KLHL1: variants seen among roughly 807,000 people sequenced by gnomAD.
KLHL1 encodes the protein kelch-like protein 1.
In KLHL1, 47 loss-of-function variants were observed where a neutral mutation model predicts 77.7. The observed-to-expected ratio is 0.60, with a 90% CI of 0.48 to 0.77. The LOEUF (loss-of-function observed/expected upper bound fraction) is 0.77, where lower values mean the gene tolerates loss of function less well. KLHL1 is among the 30% of genes least tolerant of loss of function. KLHL1 has a pLI of 0.00. For synonymous variants in KLHL1, 360 were observed against 325.2 expected (o/e 1.11, Z -1.15); for missense variants, 925 against 910.8 (o/e 1.02, Z -0.20).
Position 69,722,827 on chromosome 13 carries a change from C to A in KLHL1, c.1803-3246G>T, listed in dbSNP as rs936946891. ...GCAATCTCACTACTTGGTGTATATTCAAAGGAAATGAAACCAGTATATAAG... is the reference window on the plus strand; with the variant it reads ...GCAATCTCACTACTTGGTGTATATTAAAAGGAAATGAAACCAGTATATAAG... On this transcript the variant is annotated intron_variant, in intron 8 of 10. Transcript: ENST00000377844. Among the ~76,000 whole-genome samples, 15 of 151,892 alleles carry A rather than the reference C, an allele frequency of 9.9e-5. 1 individual carries two copies. Among genetic ancestry groups the A allele is most frequent in the Non-Finnish European group, 2.2e-4 (15 of 67,966 alleles).
At position 69,905,249 on chromosome 13, in the gene KLHL1, G is replaced by T. The variant is rs1034697625; in HGVS notation, c.1015-22754C>A. 3.9e-5 allele frequency among the ~76,000 whole-genome samples: 6 copies of T among 152,188 alleles called. No individual in the cohort carries two copies. In the East Asian group the frequency reaches 9.7e-4, roughly 25 times the overall value. On this transcript the variant is annotated intron_variant, in intron 4 of 10. Coordinates refer to ENST00000377844, the MANE Select transcript of KLHL1 (RefSeq NM_020866.3). Reference sequence around the variant, plus strand: ...TGGTGTGAAGACCACTTGCTTGTATGTAGTAACGATGCTGATAATATAGAA... The same window carrying T: ...TGGTGTGAAGACCACTTGCTTGTATTTAGTAACGATGCTGATAATATAGAA...
chr13:69,799,857 G>C (rs1566268357), intron 6 of KLHL1, among the ~76,000 whole-genome samples: 1 of 152,146 alleles, frequency 6.6e-6, no homozygotes, highest in Non-Finnish European at 1.5e-5. Context: ...CACAGCAGGA[G>C]GTGAGCGGCA....
At chr13:70,101,459 G>T (rs771242499) in intron 1 of KLHL1, among the ~76,000 whole-genome samples, 29 of 151,746 alleles carry the variant, frequency 1.9e-4, no homozygotes, top group Non-Finnish European at 3.5e-4. Flanking sequence ...ACGAAGTCTC[G>T]CTCTTGTCCC....
intron 4 of KLHL1, among the ~76,000 whole-genome samples, chr13:69,909,608 C>A (rs1236742227): frequency 6.6e-6 from 1 of 151,762 alleles, no homozygotes; most frequent in East Asian, 1.9e-4. Flanking sequence ...TAATTTAACA[C>A]ATAATAATAA....
intron 7 of KLHL1, among the ~76,000 whole-genome samples, chr13:69,761,747 T>C (rs1875032254): frequency 6.6e-6 from 1 of 152,162 alleles, no homozygotes; most frequent in East Asian, 1.9e-4. Context: ...ATAAGTCCAA[T>C]GTTAAGTGTT....
chr13:69,842,363 A>G (rs915653411), intron 5 of KLHL1, among the ~76,000 whole-genome samples: 11 of 151,912 alleles, frequency 7.2e-5, no homozygotes, highest in Non-Finnish European at 7.4e-5. Context: ...AACTAATCCC[A>G]TTAAAAAGTG....
chr13:69,778,241 G>A (rs147975132), intron 7 of KLHL1, among the ~76,000 whole-genome samples: 7 of 152,032 alleles, frequency 4.6e-5, no homozygotes, highest in Non-Finnish European at 8.8e-5. Context: ...TATAATCTAC[G>A]ATGTCCTTGG....
chr13:69,919,217 C>T (rs1358231260), intron 4 of KLHL1, among the ~76,000 whole-genome samples: 2 of 152,104 alleles, frequency 1.3e-5, no homozygotes, highest in Admixed American at 1.3e-4. Flanking sequence ...CTGAGAAGAA[C>T]ATTCTTTCAA....
chr13:69,952,374 A>T (rs149857515), intron 3 of KLHL1, among the ~76,000 whole-genome samples: 1 of 151,430 alleles, frequency 6.6e-6, no homozygotes, highest in East Asian at 1.9e-4. Flanking sequence ...TTCTTGTAAG[A>T]CTGAATCCCA....
chr13:69,792,441 C>T (rs951794267), intron 7 of KLHL1, among the ~76,000 whole-genome samples: 21 of 152,128 alleles, frequency 1.4e-4, no homozygotes, highest in African/African-American at 4.8e-4. Context: ...TACCCTTATA[C>T]GTTGCTGGTG....
chr13:69,996,145 A>G (rs897641519), intron 1 of KLHL1, among the ~76,000 whole-genome samples: 20 of 152,020 alleles, frequency 1.3e-4, no homozygotes, highest in Non-Finnish European at 2.2e-4. Flanking sequence ...TCTACTAAAA[A>G]TACAAAAATT....
chr13:69,962,931 T>C (rs1884111479), intron 2 of KLHL1, among the ~76,000 whole-genome samples: 1 of 152,206 alleles, frequency 6.6e-6, no homozygotes, highest in African/African-American at 2.4e-5. Context: ...ACTTTCCTAA[T>C]ATCATTTCCA....
intron 4 of KLHL1, among the ~76,000 whole-genome samples, chr13:69,931,323 A>G (rs1882998125): frequency 6.6e-6 from 1 of 151,838 alleles, no homozygotes; most frequent in African/African-American, 2.4e-5. Flanking sequence ...TTTGCTCTTC[A>G]TTATCTTTAA....
intron 1 of KLHL1, among the ~76,000 whole-genome samples, chr13:70,045,366 C>A (rs1886469332): frequency 6.6e-6 from 1 of 152,038 alleles, no homozygotes; most frequent in Admixed American, 6.6e-5. Flanking sequence ...ATTTAGCAAA[C>A]AGATTCTACA....
intron 4 of KLHL1, among the ~76,000 whole-genome samples, chr13:69,932,558 T>C (rs937535928): frequency 5.9e-5 from 9 of 152,076 alleles, no homozygotes; most frequent in Non-Finnish European, 1.2e-4. Context: ...TATTTTAAAA[T>C]GTTTAGTATT....
At chr13:69,909,322 A>C (rs569564283) in intron 4 of KLHL1, among the ~76,000 whole-genome samples, 1 of 151,922 alleles carries the variant, frequency 6.6e-6, no homozygotes, top group Non-Finnish European at 1.5e-5. Context: ...AGGGATCTAC[A>C]TTCATATAAA....
chr13:69,867,752 T>C (rs1378413904), intron 5 of KLHL1, among the ~76,000 whole-genome samples: 3 of 149,476 alleles, frequency 2.0e-5, no homozygotes, highest in Non-Finnish European at 3.0e-5. Context: ...AATTCATTTA[T>C]AATAAAGAAA....
intron 5 of KLHL1, among the ~76,000 whole-genome samples, chr13:69,840,132 C>T (rs1879187181): frequency 6.6e-6 from 1 of 152,018 alleles, no homozygotes; most frequent in Non-Finnish European, 1.5e-5. Flanking sequence ...AAATTTAACA[C>T]TATAATTATG....
Position 70,107,818 on chromosome 13 carries a change from C to T in KLHL1, c.-119G>A. 1.3e-6 allele frequency: 1 copy of T among 754,300 alleles called. No individual in the cohort carries two copies. The highest frequency in any genetic ancestry group is 2.8e-5 in the East Asian group (1 of 35,866). The allele number at this position is 754,300 out of a possible 1,614,324, so 46.7% of individuals were successfully genotyped here. A position where few individuals can be genotyped will look rare whatever the true frequency, so the allele number is the denominator to read the frequency against. The stretch of plus-strand genomic sequence containing the variant: ...GAGGCGGGATGCGCCCTCTGCACCC[C>T]TAGAGCCAGAAGACGCTAGGTGGGC... On this transcript the variant is annotated 5_prime_UTR_variant, in exon 1 of 11. Coordinates refer to ENST00000377844, the MANE Select transcript of KLHL1 (RefSeq NM_020866.3).
Sources: gnomAD v4.1 joint callset for allele counts (sites outside exome capture counted in the v4.1 genomes callset) on GRCh38, gnomAD v4.1.1 for gene constraint, MANE v1.5 for transcripts, NCBI Gene and HGNC (gene_info 2026-07-23, HGNC 2026-07-21) for gene names.